TULP4: variants seen among roughly 807,000 people sequenced by gnomAD.
The protein encoded by TULP4 is tubby-related protein 4.
TULP4 carries 16 observed loss-of-function variants against 129.0 expected under a neutral mutation model. That is an observed-to-expected ratio of 0.12 (90% CI 0.08 to 0.19). TULP4 has a LOEUF of 0.19. TULP4 is among the 10% of genes least tolerant of loss of function. The pLI, the probability that TULP4 is intolerant of heterozygous loss-of-function variation, is 1.00. For synonymous variants in TULP4, 998 were observed against 854.0 expected (o/e 1.17, Z -2.94); for missense variants, 1,842 against 2,059.1 (o/e 0.89, Z 2.04).
intron 3 of TULP4, among the ~76,000 whole-genome samples, chr6:158,442,229 C>T (rs1012254579): frequency 6.6e-6 from 1 of 152,132 alleles, no homozygotes; most frequent in Non-Finnish European, 1.5e-5. Flanking sequence ...CCTCTCAGCT[C>T]ATTTGTTGAG....
intron 1 of TULP4, among the ~76,000 whole-genome samples, chr6:158,267,889 G>A (rs1019191836): frequency 2.6e-5 from 4 of 152,034 alleles, no homozygotes; most frequent in African/African-American, 7.2e-5. Flanking sequence ...TCTATCAGTC[G>A]AATCCCTTCT....
intron 12 of TULP4, among the ~76,000 whole-genome samples, chr6:158,500,561 A>G (rs1002447510): frequency 1.3e-5 from 2 of 152,242 alleles, no homozygotes; most frequent in African/African-American, 4.8e-5. Flanking sequence ...GAAAAGCCAC[A>G]GGGTAGCACA....
At position 158,416,474 on chromosome 6, in the gene TULP4, A is replaced by G. The variant is rs148825667; in HGVS notation, c.381+3281A>G. 4.8e-3 allele frequency among the ~76,000 whole-genome samples: 726 copies of G among 152,362 alleles called. 5 individuals carry two copies. The highest frequency in any genetic ancestry group is 0.016 in the African/African-American group (685 of 41,576). ...TTAAAAAGAAAAAAAAAATTAATAGAAAAAGCTTACAGCATAAGGATATAA... is the reference window on the plus strand; with the variant it reads ...TTAAAAAGAAAAAAAAAATTAATAGGAAAAGCTTACAGCATAAGGATATAA... On this transcript the variant is annotated intron_variant, in intron 2 of 13. Transcript: ENST00000367097.
chr6:158,404,774 CAAAAAA>C (rs10608874), intron 1 of TULP4, among the ~76,000 whole-genome samples: 2 of 108,154 alleles, frequency 1.8e-5, no homozygotes, highest in Non-Finnish European at 3.8e-5. Flanking sequence ...GACTCTGTCT[CAAAAAA>C]AAAAAAAAAA....
chr6:158,503,379 C>T lies in TULP4; in HGVS notation c.3716C>T (p.Thr1239Ile), dbSNP rs140413743. 5.0e-6 allele frequency: 8 copies of T among 1,613,802 alleles called. No homozygotes were observed. The African/African-American group carries it at 5.3e-5, about 11-fold the overall frequency. ...TACCCACCCAGCCTCTCCTATTGCA[C>T]CCTGCCCCCCATGTACCCAGGAAGC... The part of the protein sequence containing the change: ...PLYPPSLSYC[T>I]LPPMYPGSST... Residue 1239 changes from threonine to isoleucine, a missense_variant, in exon 13 of 14, where the codon ACC (threonine) becomes ATC (isoleucine). Physicochemically the swap from Thr to Ile is moderately conservative, Grantham distance 89. Around this residue, in one of 5 missense-constraint regions of TULP4, gnomAD observed 1,089 missense variants for 987.1 expected, o/e 1.10. Transcript: ENST00000367097. This position sits in a 1 kb window ranked among gnomAD's most constrained non-coding sequence, Gnocchi z 4.3.
intron 1 of TULP4, among the ~76,000 whole-genome samples, chr6:158,234,463 C>T (rs1025810076): frequency 6.6e-6 from 1 of 152,200 alleles, no homozygotes; most frequent in Non-Finnish European, 1.5e-5. Context: ...TATCTGAATT[C>T]AGGAAGGTTT....
chr6:158,239,174 G>T (rs1339789891), intron 1 of TULP4, among the ~76,000 whole-genome samples: 1 of 108,210 alleles, frequency 9.2e-6, no homozygotes, highest in Non-Finnish European at 2.0e-5. Context: ...GCGGCTGGCC[G>T]GGCGGGGGGC....
intron 5 of TULP4, among the ~76,000 whole-genome samples, chr6:158,453,868 G>A (rs1006973473): frequency 2.6e-5 from 4 of 151,140 alleles, no homozygotes; most frequent in Non-Finnish European, 5.9e-5. Context: ...CAGGAGAATC[G>A]CTTGAACCTG....
At position 158,493,210 on chromosome 6, in the gene TULP4, T is replaced by C. The variant is rs1780254521; in HGVS notation, c.1632-363T>C. Among the ~76,000 whole-genome samples, 1 of 152,190 alleles carries C rather than the reference T, an allele frequency of 6.6e-6. No homozygotes were observed. Among genetic ancestry groups the C allele is most frequent in the Non-Finnish European group, 1.5e-5 (1 of 68,036 alleles). On this transcript the variant is annotated intron_variant, in intron 9 of 13. Transcript: ENST00000367097. The surrounding 1 kb of genome is among the most constrained non-coding windows in gnomAD (Gnocchi z 4.4). Reference sequence around the variant, plus strand: ...CTAAGTATATTTTGAGATGGGGTCTTGCTCTGTCATCCAGGCTCAAGTGGA... The same window carrying C: ...CTAAGTATATTTTGAGATGGGGTCTCGCTCTGTCATCCAGGCTCAAGTGGA...
At chr6:158,252,427 G>A (rs1778161495) in intron 1 of TULP4, among the ~76,000 whole-genome samples, 1 of 151,594 alleles carries the variant, frequency 6.6e-6, no homozygotes. Context: ...CCAGGCTGGA[G>A]TGCAGTGGTA....
Position 158,481,167 on chromosome 6 carries a change from G to T in TULP4, c.1364G>T (p.Gly455Val). The change falls in exon 8 of 14, where the codon GGC becomes GTC. Residue 455 changes from glycine (G) to valine (V), a missense_variant. Coordinates refer to ENST00000367097, the MANE Select transcript of TULP4 (RefSeq NM_020245.5). ...KRTEDDPEVG[G>V]PCYTLYLEYL... is the part of the protein sequence containing the mutation. ...ACAGAGGACGACCCGGAGGTGGGCGGCCCGTGCTACACGCTCTACCTGGAG... is the reference window on the plus strand; with the variant it reads ...ACAGAGGACGACCCGGAGGTGGGCGTCCCGTGCTACACGCTCTACCTGGAG... 2 of 1,614,192 alleles carry T rather than the reference G, an allele frequency of 1.2e-6. No homozygotes were observed. Among genetic ancestry groups the T allele is most frequent in the African/African-American group, 1.3e-5 (1 of 75,054 alleles).
intron 5 of TULP4, among the ~76,000 whole-genome samples, chr6:158,454,436 A>G (rs1184170398): frequency 6.6e-6 from 1 of 152,228 alleles, no homozygotes; most frequent in African/African-American, 2.4e-5. Flanking sequence ...TCAGGAATCC[A>G]GAACTTGGTT....
chr6:158,392,790 A>ATTTTTTTTTT (rs1554286987), intron 1 of TULP4, among the ~76,000 whole-genome samples: 6 of 38,616 alleles, frequency 1.6e-4, no homozygotes, highest in Admixed American at 2.5e-4. Context: ...TTAAATTTGT[A>ATTTTTTTTTT]TTTCTTTTTT....
chr6:158,240,686 C>CG lies in TULP4; in HGVS notation n.68+8383_68+8384insG, dbSNP rs1180155075. 2.0e-4 allele frequency among the ~76,000 whole-genome samples: 23 copies of CG among 114,442 alleles called. 1 individual carries two copies. Among genetic ancestry groups the CG allele is most frequent in the African/African-American group, 5.9e-4 (21 of 35,514 alleles). 75.1% of individuals were successfully genotyped at this position (114,442 alleles called of 152,430 possible). The stretch of plus-strand genomic sequence containing the variant: ...CTCCCTCCCAGACGGGGCAGCTGGC[C>CG]AGGCGGGGGGCTGACCCCCCCCACC... On this transcript the variant is annotated intron_variant and non_coding_transcript_variant, in intron 1 of 1. Coordinates refer to the TULP4 transcript ENST00000620026.
At position 158,449,142 on chromosome 6, in the gene TULP4, C is replaced by T. The variant is rs746738471; in HGVS notation, c.690C>T (p.Ser230=). 12 of 1,613,570 alleles carry T rather than the reference C, an allele frequency of 7.4e-6. No individual in the cohort carries two copies. The highest frequency in any genetic ancestry group is 4.4e-5 in the South Asian group (4 of 91,014). The change falls in exon 4 of 14, where the codon AGC becomes AGT. Residue 230 remains serine (S), a synonymous_variant. Coordinates refer to ENST00000367097, the MANE Select transcript of TULP4 (RefSeq NM_020245.5). ...PIFLVEDSSE[S]DTDSDDYAPP... is the part of the protein sequence containing the mutation. ...TCCTGGTGGAGGACAGCAGCGAGAG[C>T]GACACGGACTCAGATGACTACGCCC...
chr6:158,282,279 G>A (rs1277645116), exon 1 of TULP4: 2 of 152,034 alleles, frequency 1.3e-5, no homozygotes, highest in African/African-American at 2.4e-5. Flanking sequence ...GTCAAGCTGA[G>A]TATCTCCACG....
chr6:158,295,657 A>C (rs1010736200), intron 1 of TULP4, among the ~76,000 whole-genome samples: 5 of 152,172 alleles, frequency 3.3e-5, no homozygotes, highest in African/African-American at 1.2e-4. Flanking sequence ...TGGGAGGCCA[A>C]GGTGGGCAGA....
chr6:158,346,887 G>A (rs1042832157), intron 1 of TULP4, among the ~76,000 whole-genome samples: 3 of 151,986 alleles, frequency 2.0e-5, no homozygotes, highest in Non-Finnish European at 4.4e-5. Flanking sequence ...TAATATGTGT[G>A]TGCATCTTTT....
intron 1 of TULP4, among the ~76,000 whole-genome samples, chr6:158,381,334 T>C (rs577894079): frequency 6.6e-6 from 1 of 152,100 alleles, no homozygotes; most frequent in Admixed American, 6.5e-5. Context: ...TACCATAGAG[T>C]ATGAAAGACT....
Sources: allele counts gnomAD v4.1 joint callset (sites outside exome capture counted in the v4.1 genomes callset), GRCh38; gene constraint gnomAD v4.1.1; regional missense constraint gnomAD v4.1.1; non-coding constraint Gnocchi (gnomAD v3.1); transcripts MANE v1.5; gene names NCBI Gene and HGNC (gene_info 2026-07-23, HGNC 2026-07-21).